Variants in SI observed in about 807,000 individuals in gnomAD.
SI encodes the protein sucrase-isomaltase, also known as sucrase-isomaltase, intestinal.
Under a neutral mutation model 253.3 loss-of-function variants are expected in SI, and 235 were observed. The observed-to-expected ratio is 0.93, with a 90% CI of 0.83 to 1.03. The LOEUF (loss-of-function observed/expected upper bound fraction) is 1.03, where lower values mean the gene tolerates loss of function less well. Among genes scored for constraint, SI ranks in the 50% least tolerant of loss-of-function variants. The pLI is 0.00. For synonymous variants in SI, 819 were observed against 712.0 expected (o/e 1.15, Z -2.39); for missense variants, 2,442 against 2,211.1 (o/e 1.10, Z -2.09).
chr3:165,009,381 A>G lies in SI; in HGVS notation c.4077T>C (p.His1359=), dbSNP rs886058142. 1.2e-6 allele frequency: 2 copies of G among 1,613,060 alleles called. No homozygotes were observed. Among genetic ancestry groups the G allele is most frequent in the Non-Finnish European group, 1.7e-6 (2 of 1,179,156 alleles). The part of the protein sequence containing the change: ...EDEAVNASRA[H]VAFPDFFRTS... ...TCCTGAAGAAATCTGGGAAAGCTAC[A>G]TGAGCTCTGGAAGCCTGTAAAACCA... The change falls in exon 35 of 48, where the codon CAT becomes CAC. Residue 1359 remains histidine, a synonymous_variant. Transcript: ENST00000264382.
chr3:165,008,175 T>A (rs914895188), intron 35 of SI, among the ~76,000 whole-genome samples, 177 bp from the exon 36 acceptor site: 1 of 151,982 alleles, frequency 6.6e-6, no homozygotes, highest in Non-Finnish European at 1.5e-5. Flanking sequence ...TCTCATTGAT[T>A]GCTTTTTTCA....
intron 13 of SI, among the ~76,000 whole-genome samples, chr3:165,050,225 T>A (rs936131316): frequency 2.0e-5 from 3 of 152,186 alleles, no homozygotes; most frequent in African/African-American, 7.2e-5. Flanking sequence ...TGATTCAATA[T>A]GTTTGGTTTC....
chr3:165,025,667 G>A (rs374057192), intron 25 of SI, among the ~76,000 whole-genome samples: 124 of 151,482 alleles, frequency 8.2e-4, no homozygotes, highest in African/African-American at 2.8e-3. Context: ...AGCTAGAAGG[G>A]ATTGGGGCGC....
rs779056332 is a variant in SI, at chr3:165,015,253, T to G, written c.3889-20A>C. On this transcript the variant is annotated intron_variant, in intron 32 of 47. Transcript: ENST00000264382. ...TGGATCCTAAAATTAAAATGAAATATAAACAAGGTACACATGAAAAAAGCG... is the reference window on the plus strand; with the variant it reads ...TGGATCCTAAAATTAAAATGAAATAGAAACAAGGTACACATGAAAAAAGCG... 2 of 1,553,702 alleles carry G rather than the reference T, an allele frequency of 1.3e-6. No individual in the cohort carries two copies. The highest frequency in any genetic ancestry group is 1.8e-6 in the Non-Finnish European group (2 of 1,125,700).
intron 26 of SI, among the ~76,000 whole-genome samples, chr3:165,021,857 A>T (rs1255575453): frequency 6.6e-6 from 1 of 151,612 alleles, no homozygotes; most frequent in Non-Finnish European, 1.5e-5. Context: ...GGTCTTTGAT[A>T]ACTATTGACA....
Position 165,013,030 on chromosome 3 carries a change from A to T in SI, c.4012T>A (p.Leu1338Met), listed in dbSNP as rs1284035466. Reference sequence around the variant, plus strand: ...GTTTTATCTATTGTTATGTTGGGCAAATCTGGCCAAACCTACAAGAGACAA... The same window carrying T: ...GTTTTATCTATTGTTATGTTGGGCATATCTGGCCAAACCTACAAGAGACAA... ...DICWAKVWPD[L>M]PNITIDKTLT... is the part of the protein sequence containing the mutation. Residue 1338 changes from leucine to methionine, a missense_variant, in exon 34 of 48, where the codon TTG (leucine) becomes ATG (methionine). By Grantham distance (15) the Leu-to-Met change is conservative (BLOSUM62 2). Coordinates refer to ENST00000264382, the MANE Select transcript of SI (RefSeq NM_001041.4). 6.2e-7 allele frequency: 1 copy of T among 1,608,450 alleles called. No individual in the cohort carries two copies. Among genetic ancestry groups the T allele is most frequent in the South Asian group, 1.1e-5 (1 of 90,936 alleles).
rs191598487 is a variant in SI at position 164,991,404 on chromosome 3, C to G, written c.5057G>C (p.Arg1686Pro). The G allele has an allele frequency of 6.2e-7, 1 of 1,613,484 alleles. No individual in the cohort carries two copies. The change falls in exon 44 of 48, where the codon CGT becomes CCT. Residue 1686 changes from arginine to proline, a missense_variant. Arg to Pro is a moderately radical substitution (Grantham distance 103). Coordinates refer to ENST00000264382, the MANE Select transcript of SI (RefSeq NM_001041.4). The stretch of plus-strand genomic sequence containing the variant: ...TTGACATGGTAGGATGTGACCACCA[C>G]GGACATGTAGGTTTATTGTGTCATA... ...ASYDTINLHV[R>P]GGHILPCQEP...
At chr3:165,053,735 G>A (rs1451104070) in intron 13 of SI, among the ~76,000 whole-genome samples, 1 of 152,002 alleles carries the variant, frequency 6.6e-6, no homozygotes, top group African/African-American at 2.4e-5. Context: ...AACACAATCA[G>A]GCTCTGTCTC....
rs751748355 is a variant in SI at position 165,067,465 on chromosome 3, A to T, written c.510T>A (p.Tyr170Ter). 4 of 1,610,458 alleles carry T rather than the reference A, an allele frequency of 2.5e-6. No individual in the cohort carries two copies. Among genetic ancestry groups the T allele is most frequent in the Non-Finnish European group, 3.4e-6 (4 of 1,176,964 alleles). The change falls in exon 6 of 48, where the codon TAT becomes TAA. Residue 170 changes from tyrosine (Y) to a stop codon, truncating the protein, a stop_gained. Coordinates refer to ENST00000264382, the MANE Select transcript of SI (RefSeq NM_001041.4). LOFTEE classifies it high-confidence loss of function. The stretch of plus-strand genomic sequence containing the variant: ...CTTTTACATACTGATGAGGAACTTC[A>T]TATCTTCTATTATTTGGATCAGTAA... ...FKITDPNNRR[Y>*]EVPHQYVKEF...
intron 22 of SI, among the ~76,000 whole-genome samples, chr3:165,033,890 G>T (rs1391343543): frequency 6.6e-6 from 1 of 151,052 alleles, no homozygotes; most frequent in Admixed American, 6.6e-5. Flanking sequence ...CAATAAATCT[G>T]GAGACATGTT....
rs536089108 is a variant in SI, at chr3:165,004,855, A to T, written c.4406+1961T>A. Among the ~76,000 whole-genome samples, 13 of 152,172 alleles carry T rather than the reference A, an allele frequency of 8.5e-5. No individual in the cohort carries two copies. In the East Asian group the frequency reaches 2.3e-3, roughly 27 times the overall value. ...GCAAGTGTTATGGTTGGGCTTTGTG[A>T]TCCCACCCAAATCTCATCAGGGATT... On this transcript the variant is annotated intron_variant, in intron 37 of 47. Transcript: ENST00000264382.
chr3:165,076,089 T>G, intron 1 of SI, 77 bp from the exon 2 acceptor site: 2 of 1,093,208 alleles, frequency 1.8e-6, no homozygotes, highest in Non-Finnish European at 2.6e-6. Context: ...CTCATGAAAT[T>G]ACATATTCTT....
At chr3:165,049,336 G>C in intron 14 of SI, 92 bp from the exon 15 acceptor site, 1 of 792,512 alleles carries the variant, frequency 1.3e-6, no homozygotes, top group South Asian at 1.5e-5. Context: ...CTTTTCATTT[G>C]TGTTATGAAA....
intron 16 of SI, among the ~76,000 whole-genome samples, chr3:165,045,572 A>G (rs1713059891): frequency 1.3e-5 from 2 of 151,782 alleles, no homozygotes; most frequent in African/African-American, 4.8e-5. Flanking sequence ...TTTACATTGT[A>G]TTAATTTTTT....
intron 44 of SI, among the ~76,000 whole-genome samples, chr3:164,988,502 C>T (rs1042287425): frequency 6.6e-6 from 1 of 152,134 alleles, no homozygotes; most frequent in African/African-American, 2.4e-5. Context: ...TCAAGGCACA[C>T]CTTATGAATG....
At chr3:165,073,051 A>G (rs372537428) in intron 3 of SI, among the ~76,000 whole-genome samples, 1 of 152,180 alleles carries the variant, frequency 6.6e-6, no homozygotes, top group Non-Finnish European at 1.5e-5. Flanking sequence ...TTAGGTTGAC[A>G]CTAAAGACTA....
At chr3:164,999,405 T>A (rs1718161930) in intron 37 of SI, among the ~76,000 whole-genome samples, 1 of 151,634 alleles carries the variant, frequency 6.6e-6, no homozygotes, top group Non-Finnish European at 1.5e-5. Flanking sequence ...CCTTTCTCTC[T>A]GACTGAACAC....
At chr3:165,031,747 A>G (rs1391352395) in intron 24 of SI, among the ~76,000 whole-genome samples, 4 of 150,972 alleles carry the variant, frequency 2.6e-5, no homozygotes, top group African/African-American at 9.7e-5. Flanking sequence ...TGGAGAAAAG[A>G]TAAATGACAA....
intron 33 of SI, among the ~76,000 whole-genome samples, chr3:165,014,540 C>T (rs1050728734): frequency 3.3e-5 from 5 of 152,198 alleles, no homozygotes; most frequent in South Asian, 2.1e-4. Context: ...TGAGCCACCA[C>T]GCCTGGCCCT....
Sources: gnomAD v4.1 joint callset for allele counts (sites outside exome capture counted in the v4.1 genomes callset) on GRCh38, gnomAD v4.1.1 for gene constraint, MANE v1.5 for transcripts, NCBI Gene and HGNC (gene_info 2026-07-23, HGNC 2026-07-21) for gene names.